NAV1: variants seen among roughly 807,000 people sequenced by gnomAD.
NAV1 encodes neuron navigator 1.
In NAV1, 18 loss-of-function variants were observed where a neutral mutation model predicts 175.2. The ratio of observed to expected loss-of-function variants is 0.10; its 90% CI spans 0.07 to 0.15. The LOEUF is 0.15. NAV1 is among the 10% of genes least tolerant of loss of function. The pLI is 1.00. For missense variants in NAV1, 1,731 were observed against 2,436.6 expected (o/e 0.71, Z 6.10); for synonymous variants, 897 against 978.7 (o/e 0.92, Z 1.56).
chr1:201,661,503 G>C (rs1669613894), intron 1 of NAV1, among the ~76,000 whole-genome samples: 1 of 152,242 alleles, frequency 6.6e-6, no homozygotes, highest in African/African-American at 2.4e-5. Context: ...TGGTCTGGAA[G>C]AGTGGGGGCC....
intron 1 of NAV1, among the ~76,000 whole-genome samples, chr1:201,582,093 C>T (rs924812973): frequency 2.0e-5 from 3 of 152,148 alleles, no homozygotes; most frequent in Non-Finnish European, 1.5e-5. Flanking sequence ...GAGACTCCGT[C>T]TCAAACAAAC....
intron 2 of NAV1, among the ~76,000 whole-genome samples, chr1:201,717,228 G>A (rs1339969245): frequency 6.6e-6 from 1 of 152,220 alleles, no homozygotes; most frequent in Non-Finnish European, 1.5e-5. Context: ...GCTAAGCAAT[G>A]GATGTGTTCA....
intron 1 of NAV1, among the ~76,000 whole-genome samples, chr1:201,550,113 C>A (rs1356453319): frequency 6.6e-6 from 1 of 151,826 alleles, no homozygotes; most frequent in Non-Finnish European, 1.5e-5. Context: ...CACCCAACAC[C>A]CTACATCCCA....
rs894285297 is a variant in NAV1 at position 201,740,294 on chromosome 1, G to A, written c.1226+21539G>A. 1.8e-4 allele frequency among the ~76,000 whole-genome samples: 27 copies of A among 152,228 alleles called. No individual in the cohort carries two copies. Among genetic ancestry groups the A allele is most frequent in the Non-Finnish European group, 2.9e-5 (2 of 68,046 alleles). On this transcript the variant is annotated intron_variant, in intron 3 of 29. Coordinates refer to ENST00000367296, the Ensembl canonical transcript of NAV1. This position sits in a 1 kb window ranked among gnomAD's most constrained non-coding sequence, Gnocchi z 4.7. ...GGAGCCTCCGAGCTCCTGGACGTTT[G>A]GCTTACGGGCATCTGGGGCTGGGAG...
chr1:201,656,112 G>A (rs1669393524), intron 1 of NAV1, among the ~76,000 whole-genome samples: 1 of 152,234 alleles, frequency 6.6e-6, no homozygotes, highest in African/African-American at 2.4e-5. Context: ...CTCCAACTCA[G>A]CTCCAGCCAA....
intron 1 of NAV1, among the ~76,000 whole-genome samples, chr1:201,664,213 C>T (rs1017512111): frequency 5.3e-5 from 8 of 152,038 alleles, no homozygotes; most frequent in South Asian, 4.2e-4. Flanking sequence ...TGGTGGTGCG[C>T]GTCTTATAAT....
intron 1 of NAV1, among the ~76,000 whole-genome samples, chr1:201,549,077 C>CTCTTTCCT (rs1220384414): frequency 9.1e-4 from 119 of 130,106 alleles, no homozygotes; most frequent in African/African-American, 3.2e-3. Context: ...TTCTAGTTTT[C>CTCTTTCCT]TCTTTCTTTC....
chr1:201,766,835 TG>T (rs1675239392), intron 3 of NAV1, among the ~76,000 whole-genome samples: 1 of 152,112 alleles, frequency 6.6e-6, no homozygotes, highest in Non-Finnish European at 1.5e-5. Context: ...TTTGGTTTTT[TG>T]TGTTTGAGAT....
intron 3 of NAV1, among the ~76,000 whole-genome samples, chr1:201,770,380 GA>G (rs1326046369): frequency 2.0e-5 from 3 of 152,150 alleles, no homozygotes; most frequent in African/African-American, 4.8e-5. Flanking sequence ...ACAAGAGGAG[GA>G]ATCAGTTGCC....
chr1:201,622,171 C>T (rs1489202052), upstream of NAV1, among the ~76,000 whole-genome samples: 1 of 151,480 alleles, frequency 6.6e-6, no homozygotes, highest in African/African-American at 2.4e-5. Context: ...AGGGAATGGG[C>T]TGGAGAGGAA....
In NAV1 at chr1:201,694,340, G is replaced by A. The variant is rs1267430390; in HGVS notation, c.758-18477G>A. Among the ~76,000 whole-genome samples the A allele has an allele frequency of 6.6e-6, 1 of 152,220 alleles. No homozygotes were observed. The highest frequency in any genetic ancestry group is 2.4e-5 in the African/African-American group (1 of 41,460). ...GTTCTTTGAAGGAGGGAAAGGAAGT[G>A]CTGAATGGAGCCAGGCAGCTGATTT... On this transcript the variant is annotated intron_variant, in intron 1 of 29. Coordinates refer to ENST00000367296, the Ensembl canonical transcript of NAV1. The surrounding 1 kb of genome is among the most constrained non-coding windows in gnomAD (Gnocchi z 4.2).
At chr1:201,612,321 G>T (rs1288786007) in intron 2 of NAV1, among the ~76,000 whole-genome samples, 3 of 152,170 alleles carry the variant, frequency 2.0e-5, no homozygotes, top group Non-Finnish European at 4.4e-5. Flanking sequence ...AGGCATGGTG[G>T]CATGTGCCTG....
chr1:201,639,895 C>T (rs899918259), intron 2 of NAV1, among the ~76,000 whole-genome samples: 27 of 152,270 alleles, frequency 1.8e-4, no homozygotes, highest in Admixed American at 9.1e-4. Flanking sequence ...ACCTCATTTC[C>T]GACCCTGTCC....
At chr1:201,626,191 G>C (rs1017354653) in intron 1 of NAV1, among the ~76,000 whole-genome samples, 1 of 152,232 alleles carries the variant, frequency 6.6e-6, no homozygotes, top group Admixed American at 6.5e-5. Context: ...CAAGGGCCAG[G>C]CTGGGCCACC....
chr1:201,623,207 A>T, exon 1 of NAV1: 1 of 985,968 alleles, frequency 1.0e-6, no homozygotes, highest in South Asian at 4.7e-5. Flanking sequence ...ACAACCCCGA[A>T]AGCAGCCCTC....
At chr1:201,820,222 T>C in exon 30 of NAV1, 1 of 284,654 alleles carries the variant, frequency 3.5e-6, no homozygotes, top group Non-Finnish European at 6.6e-6. Flanking sequence ...CCTTGACTTC[T>C]TGTTTCAATT....
At chr1:201,649,387 T>C (rs752368379) in exon 1 of NAV1, 1 of 1,593,224 alleles carries the variant, frequency 6.3e-7, no homozygotes, top group Admixed American at 1.7e-5. Flanking sequence ...GTGACCGTGC[T>C]GGGAGACCTG....
At chr1:201,541,915 A>C (rs924979674) in intron 1 of NAV1, among the ~76,000 whole-genome samples, 1 of 152,032 alleles carries the variant, frequency 6.6e-6, no homozygotes, top group Non-Finnish European at 1.5e-5. Flanking sequence ...CATCTTTTAC[A>C]ATTTGTCTCT....
intron 1 of NAV1, among the ~76,000 whole-genome samples, chr1:201,577,222 A>G (rs912847393): frequency 2.6e-5 from 4 of 152,192 alleles, no homozygotes; most frequent in Non-Finnish European, 5.9e-5. Context: ...TGGTTGACAA[A>G]TATTTTCTCC....
Sources: allele counts gnomAD v4.1 joint callset (sites outside exome capture counted in the v4.1 genomes callset), GRCh38; gene constraint gnomAD v4.1.1; non-coding constraint Gnocchi (gnomAD v3.1); transcripts MANE v1.5; gene names NCBI Gene and HGNC (gene_info 2026-07-23, HGNC 2026-07-21).